The following PPM1L variants were observed in gnomAD, a reference collection of about 807,000 sequenced individuals.
PPM1L encodes protein phosphatase 1L.
A neutral mutation model predicts 31.4 loss-of-function variants in PPM1L; 13 were observed. The observed-to-expected ratio is 0.41, with a 90% CI of 0.27 to 0.66. The LOEUF (loss-of-function observed/expected upper bound fraction) is 0.66. Ranked by LOEUF, PPM1L falls within the 30% of genes least tolerant of loss-of-function variation. The pLI, the probability that PPM1L is intolerant of heterozygous loss-of-function variation, is 0.29. For missense variants in PPM1L, 326 were observed against 453.7 expected, an observed-to-expected ratio of 0.72 and a Z score of 2.56; for synonymous variants, 184 against 175.4, an observed-to-expected ratio of 1.05 and a Z score of -0.39.
chr3:160,963,483 A>G (rs1716034233), intron 2 of PPM1L, among the ~76,000 whole-genome samples: 2 of 152,066 alleles, frequency 1.3e-5, no homozygotes, highest in South Asian at 4.1e-4. Flanking sequence ...TTAGAGAAAA[A>G]TTTCTGAGGA....
At chr3:160,903,050 G>T in intron 1 of PPM1L, among the ~76,000 whole-genome samples, 1 of 152,128 alleles carries the variant, frequency 6.6e-6, no homozygotes, top group East Asian at 1.9e-4. Context: ...AAGGTGGATA[G>T]TAATACACAC....
At chr3:161,033,951 A>C (rs1718656989) in intron 2 of PPM1L, among the ~76,000 whole-genome samples, 1 of 152,224 alleles carries the variant, frequency 6.6e-6, no homozygotes, top group African/African-American at 2.4e-5. Flanking sequence ...CATCTGACAA[A>C]GGGCTAATAT....
At chr3:160,989,738 G>C (rs1199493537) in intron 2 of PPM1L, among the ~76,000 whole-genome samples, 2 of 151,532 alleles carry the variant, frequency 1.3e-5, no homozygotes, top group African/African-American at 4.8e-5. Context: ...TAGCTCATCA[G>C]AGCCTTGAAA....
chr3:160,791,559 C>T (rs906819131), intron 1 of PPM1L, among the ~76,000 whole-genome samples: 1 of 152,084 alleles, frequency 6.6e-6, no homozygotes, highest in African/African-American at 2.4e-5. Flanking sequence ...TGCTGTGTGA[C>T]AGGTATTGTT....
At chr3:160,814,529 A>ACG (rs1712910846) in intron 1 of PPM1L, among the ~76,000 whole-genome samples, 3 of 97,866 alleles carry the variant, frequency 3.1e-5, no homozygotes, top group Admixed American at 9.5e-5. Flanking sequence ...ACACACACAT[A>ACG]TGTATGTATG....
intron 1 of PPM1L, among the ~76,000 whole-genome samples, chr3:160,954,953 TTCC>T (rs72365532): frequency 0.13 from 8,477 of 63,784 alleles, 340 homozygotes; most frequent in East Asian, 0.31. Flanking sequence ...CCTTCCTTCC[TTCC>T]TTCCTTTCCT....
chr3:160,887,166 C>T (rs1451801621), intron 1 of PPM1L, among the ~76,000 whole-genome samples: 1 of 151,684 alleles, frequency 6.6e-6, no homozygotes, highest in Non-Finnish European at 1.5e-5. Flanking sequence ...AGAGAAAAAA[C>T]AATGAAAAGG....
intron 1 of PPM1L, among the ~76,000 whole-genome samples, chr3:160,872,883 C>T (rs908045623): frequency 3.3e-5 from 5 of 152,128 alleles, no homozygotes; most frequent in African/African-American, 9.6e-5. Context: ...GCCGAGATTG[C>T]GCCACTACAC....
intron 1 of PPM1L, among the ~76,000 whole-genome samples, chr3:160,894,589 T>G (rs1713271520): frequency 6.6e-6 from 1 of 152,224 alleles, no homozygotes; most frequent in Admixed American, 6.5e-5. Flanking sequence ...AAAGGTAAGA[T>G]GCCTTGCCCA....
chr3:160,894,171 A>C (rs1713255219), intron 1 of PPM1L, among the ~76,000 whole-genome samples: 1 of 152,190 alleles, frequency 6.6e-6, no homozygotes, highest in Non-Finnish European at 1.5e-5. Flanking sequence ...TCTACAAAAA[A>C]CATTGACAGC....
At chr3:160,886,885 C>T (rs990002998) in intron 1 of PPM1L, among the ~76,000 whole-genome samples, 2 of 152,002 alleles carry the variant, frequency 1.3e-5, no homozygotes, top group African/African-American at 2.4e-5. Context: ...AAGTAGACTT[C>T]AGAAGGTGGG....
chr3:161,044,159 C>T (rs186761243), intron 2 of PPM1L, among the ~76,000 whole-genome samples: 1,921 of 152,116 alleles, frequency 0.013, 49 homozygotes, highest in African/African-American at 0.044. Context: ...CCTGCCTCAG[C>T]CTCCCGAGTA....
intron 1 of PPM1L, among the ~76,000 whole-genome samples, chr3:160,796,336 G>A (rs894239452): frequency 6.6e-6 from 1 of 152,150 alleles, no homozygotes; most frequent in Non-Finnish European, 1.5e-5. Flanking sequence ...AGAATGAGCT[G>A]CCTAGTCTCT....
chr3:160,803,810 T>C (rs1398449791), intron 1 of PPM1L, among the ~76,000 whole-genome samples: 1 of 152,242 alleles, frequency 6.6e-6, no homozygotes, highest in Non-Finnish European at 1.5e-5. Context: ...TCAAAGGTAT[T>C]TTTCCTCCTG....
At position 160,783,600 on chromosome 3, in the gene PPM1L, C is replaced by CAA. The variant is rs59293706; in HGVS notation, c.399+26906_399+26907dup. 3.1e-3 allele frequency among the ~76,000 whole-genome samples: 344 copies of CAA among 110,792 alleles called. 6 individuals carry two copies. Among genetic ancestry groups the CAA allele is most frequent in the African/African-American group, 8.9e-3 (283 of 31,912 alleles). The allele number at this position is 110,792 out of a possible 152,430, so 72.7% of individuals were successfully genotyped here. A position where few individuals can be genotyped will look rare whatever the true frequency, so the allele number is the denominator to read the frequency against. On this transcript the variant is annotated intron_variant, in intron 1 of 3. Transcript: ENST00000498165. ...GGGCAACAAGAGCGAAACTCCATCT[C>CAA]AAAAAAAAAAAAAAGAAAAAGAAAG...
chr3:160,810,338 T>C (rs1188191128), intron 1 of PPM1L, among the ~76,000 whole-genome samples: 1 of 152,156 alleles, frequency 6.6e-6, no homozygotes, highest in African/African-American at 2.4e-5. Flanking sequence ...GTTCCTGTGA[T>C]TAAAATCAGC....
At chr3:161,034,945 G>T (rs1718701457) in intron 2 of PPM1L, among the ~76,000 whole-genome samples, 1 of 151,982 alleles carries the variant, frequency 6.6e-6, no homozygotes. Context: ...GGACATGGAT[G>T]AAGCTGGAAG....
intron 1 of PPM1L, among the ~76,000 whole-genome samples, chr3:160,897,199 C>T (rs1713365174): frequency 6.6e-6 from 1 of 152,024 alleles, no homozygotes; most frequent in African/African-American, 2.4e-5. Context: ...CCTGCCACCA[C>T]ACCCAGCTAA....
chr3:160,773,788 T>G (rs1225735342), intron 1 of PPM1L, among the ~76,000 whole-genome samples: 1 of 152,194 alleles, frequency 6.6e-6, no homozygotes, highest in African/African-American at 2.4e-5. Flanking sequence ...GAGCCTGTTT[T>G]CAGCTCTCAT....
Sources: gnomAD v4.1 joint callset for allele counts (sites outside exome capture counted in the v4.1 genomes callset) on GRCh38, gnomAD v4.1.1 for gene constraint, MANE v1.5 for transcripts, NCBI Gene and HGNC (gene_info 2026-07-23, HGNC 2026-07-21) for gene names.